Variants in ARHGEF11 observed in about 807,000 individuals in gnomAD.
ARHGEF11 encodes Rho guanine nucleotide exchange factor 11.
ARHGEF11 carries 55 observed loss-of-function variants against 193.7 expected under a neutral mutation model. The ratio of observed to expected loss-of-function variants is 0.28; its 90% CI spans 0.23 to 0.36. The LOEUF (loss-of-function observed/expected upper bound fraction) is 0.36. Ranked by LOEUF, ARHGEF11 falls within the 10% of genes least tolerant of loss-of-function variation. The pLI is 1.00. For missense variants in ARHGEF11, 1,723 were observed against 2,005.6 expected, an observed-to-expected ratio of 0.86 and a Z score of 2.69; for synonymous variants, 693 against 768.0, an observed-to-expected ratio of 0.90 and a Z score of 1.62.
intron 30 of ARHGEF11, 96 bp from the exon 31 acceptor site, chr1:156,944,529 G>C: frequency 4.5e-6 from 6 of 1,336,320 alleles, no homozygotes; most frequent in Non-Finnish European, 6.4e-6. Flanking sequence ...TAAGGTGCTG[G>C]GAATTGGTAA....
chr1:156,969,413 G>C (rs991529372), intron 9 of ARHGEF11, 55 bp from the exon 10 acceptor site: 1 of 1,523,562 alleles, frequency 6.6e-7, no homozygotes, highest in African/African-American at 1.4e-5. Flanking sequence ...AGGGGAAAGA[G>C]AGCCTTTATT....
upstream of ARHGEF11, among the ~76,000 whole-genome samples, chr1:157,046,084 T>A (rs1378897566): frequency 2.0e-5 from 3 of 149,302 alleles, no homozygotes; most frequent in Middle Eastern, 3.5e-3. Flanking sequence ...TTGCCGTCGC[T>A]CCTCGGCCGG....
intron 21 of ARHGEF11, among the ~76,000 whole-genome samples, chr1:156,954,078 A>C (rs1193294566): frequency 6.6e-6 from 1 of 152,146 alleles, no homozygotes; most frequent in Non-Finnish European, 1.5e-5. Flanking sequence ...TTTTAACTGA[A>C]AACAAAAATC....
At chr1:157,020,540 T>C (rs1193880418) in intron 1 of ARHGEF11, among the ~76,000 whole-genome samples, 2 of 152,202 alleles carry the variant, frequency 1.3e-5, no homozygotes, top group Non-Finnish European at 2.9e-5. Flanking sequence ...AATATGTACA[T>C]ACAGTCTTGC....
At position 156,943,884 on chromosome 1, in the gene ARHGEF11, C is replaced by T. The variant is rs773199193; in HGVS notation, c.3235+51G>A. 53 of 1,567,470 alleles carry T rather than the reference C, an allele frequency of 3.4e-5. No homozygotes were observed. The South Asian group carries it at 6.2e-4, about 18-fold the overall frequency. ...CTGGCCCTGCCTCACCCAGCACTTGCTGGACATGGTCCCTGAGCCCCAGGC... is the reference window on the plus strand; with the variant it reads ...CTGGCCCTGCCTCACCCAGCACTTGTTGGACATGGTCCCTGAGCCCCAGGC... On this transcript the variant is annotated intron_variant, in intron 32 of 40. Coordinates refer to ENST00000368194, the MANE Select transcript of ARHGEF11 (RefSeq NM_198236.3).
At chr1:156,951,242 T>G (rs971240269) in intron 22 of ARHGEF11, among the ~76,000 whole-genome samples, 4 of 152,218 alleles carry the variant, frequency 2.6e-5, no homozygotes, top group African/African-American at 9.6e-5. Context: ...TTCCTTATCC[T>G]TGTCACTTAG....
rs532988298 is a variant in ARHGEF11, at chr1:156,939,880, C to T, written c.3764G>A (p.Ser1255Asn). Residue 1255 changes from serine to asparagine, a missense_variant, in exon 37 of 41, where the codon AGC becomes AAC. Transcript: ENST00000368194. Reference protein sequence around the residue: ...VENLRHLILWSLLPGHTMETQ... With the variant: ...VENLRHLILWNLLPGHTMETQ... ...TTCCATGGTGTGACCTGGCAGCAGGCTCCACAGGATCAGATGTCGCAGGTT... is the reference window on the plus strand; with the variant it reads ...TTCCATGGTGTGACCTGGCAGCAGGTTCCACAGGATCAGATGTCGCAGGTT... The T allele has an allele frequency of 1.3e-4, 208 of 1,608,620 alleles. 1 individual carries two copies. Among genetic ancestry groups the T allele is most frequent in the Non-Finnish European group, 1.7e-4 (200 of 1,179,890 alleles).
At position 156,938,502 on chromosome 1, in the gene ARHGEF11, C is replaced by T; in HGVS notation, c.4108G>A (p.Gly1370Ser). Residue 1370 changes from glycine to serine, a missense_variant, in exon 38 of 41, where the codon GGC (glycine) becomes AGC (serine). Physicochemically the swap from Gly to Ser is moderately conservative, Grantham distance 56. Transcript: ENST00000368194. ...YKVVRKAEVAGSKVVPALPES... is the reference protein window; with the variant it reads ...YKVVRKAEVASSKVVPALPES... ...GGTAGTGCAGGGACAACCTTGCTGC[C>T]TGCCACCTCAGCTGCACCGACACCA... 6.2e-7 allele frequency: 1 copy of T among 1,613,206 alleles called. No homozygotes were observed. The highest frequency in any genetic ancestry group is 1.1e-5 in the South Asian group (1 of 90,906).
chr1:157,015,191 T>C (rs566039570), intron 1 of ARHGEF11, among the ~76,000 whole-genome samples: 12 of 152,288 alleles, frequency 7.9e-5, no homozygotes, highest in African/African-American at 2.6e-4. Context: ...TTTTCCCCTC[T>C]ACTTCAGGAA....
intron 1 of ARHGEF11, among the ~76,000 whole-genome samples, chr1:157,011,323 C>T (rs1369619021): frequency 6.6e-6 from 1 of 152,058 alleles, no homozygotes; most frequent in Non-Finnish European, 1.5e-5. Flanking sequence ...ACATCATATA[C>T]AAGAATTAAC....
intron 11 of ARHGEF11, chr1:156,963,817 GC>G (rs1437563963): frequency 2.2e-6 from 3 of 1,363,718 alleles, no homozygotes; most frequent in Admixed American, 6.8e-5. Flanking sequence ...ATTCAGAGCA[GC>G]CTGGTCACAT....
At position 156,961,692 on chromosome 1, in the gene ARHGEF11, GA is replaced by G; in HGVS notation, c.1223del (p.Phe408SerfsTer8). On this transcript the variant is annotated frameshift_variant, in exon 14 of 41. Transcript: ENST00000368194. LOFTEE classifies it high-confidence loss of function. The stretch of plus-strand genomic sequence containing the variant: ...ACTGCCTTACCGCATTTTTCTCCAG[GA>G]AAATATTCCAGATGTCTTTCCCCAA... Reference protein sequence around the residue: ...RSLGKDIWNIFLEKNAPLRVK... With the variant: ...RSLGKDIWNIXLEKNAPLRVK... The G allele has an allele frequency of 1.2e-6, 2 of 1,614,070 alleles. No homozygotes were observed. The highest frequency in any genetic ancestry group is 1.7e-6 in the Non-Finnish European group (2 of 1,179,942).
intron 7 of ARHGEF11, among the ~76,000 whole-genome samples, chr1:156,974,079 T>C (rs1308919472): frequency 2.6e-5 from 4 of 152,004 alleles, no homozygotes; most frequent in Admixed American, 2.0e-4. Flanking sequence ...TCTTTTTCTT[T>C]TTTTTTTTGA....
At chr1:157,033,253 C>CT (rs965090056) in intron 1 of ARHGEF11, among the ~76,000 whole-genome samples, 12 of 150,986 alleles carry the variant, frequency 7.9e-5, no homozygotes, top group South Asian at 2.1e-4. Flanking sequence ...TCCAGAGTTC[C>CT]TTTTTTTTTA....
chr1:156,949,633 T>C (rs1459481123), intron 22 of ARHGEF11, among the ~76,000 whole-genome samples: 2 of 152,118 alleles, frequency 1.3e-5, no homozygotes, highest in African/African-American at 2.4e-5. Context: ...CCCTCCAGAA[T>C]TGTGTTAGAA....
chr1:156,956,238 T>C (rs138207664), intron 19 of ARHGEF11, among the ~76,000 whole-genome samples, 182 bp downstream of exon 19: 2 of 152,216 alleles, frequency 1.3e-5, no homozygotes, highest in Non-Finnish European at 2.9e-5. Flanking sequence ...TGCCTCAGCC[T>C]CCCGATTAGC....
intron 21 of ARHGEF11, among the ~76,000 whole-genome samples, chr1:156,952,420 G>A (rs1355238794): frequency 6.6e-6 from 1 of 152,192 alleles, no homozygotes; most frequent in Non-Finnish European, 1.5e-5. Flanking sequence ...GCTCTCAGCA[G>A]GAGGGAAGAG....
At chr1:156,979,153 T>C in intron 5 of ARHGEF11, 76 bp downstream of exon 5, 1 of 1,418,396 alleles carries the variant, frequency 7.1e-7, no homozygotes, top group Non-Finnish European at 9.9e-7. Context: ...ATGCCAGGCC[T>C]GACCTTTCCT....
chr1:156,956,343 T>C, intron 19 of ARHGEF11, 77 bp downstream of exon 19: 1 of 1,520,298 alleles, frequency 6.6e-7, no homozygotes, highest in Admixed American at 1.7e-5. Flanking sequence ...CTCGAACTCC[T>C]GAGCTCAGGC....
Sources: allele counts gnomAD v4.1 joint callset (sites outside exome capture counted in the v4.1 genomes callset), GRCh38; gene constraint gnomAD v4.1.1; transcripts MANE v1.5; gene names NCBI Gene and HGNC (gene_info 2026-07-23, HGNC 2026-07-21).